RFX8: variants seen among roughly 807,000 people sequenced by gnomAD.
RFX8 encodes the protein regulatory factor X8.
A neutral mutation model predicts 54.6 loss-of-function variants in RFX8; 46 were observed. That is an observed-to-expected ratio of 0.84 (90% CI 0.67 to 1.08). The LOEUF (loss-of-function observed/expected upper bound fraction) is 1.08. Ranked by LOEUF, RFX8 falls within the 50% of genes least tolerant of loss-of-function variation. The pLI is 0.00. For missense variants in RFX8, 536 were observed against 562.3 expected (o/e 0.95, Z 0.47); for synonymous variants, 192 against 209.5 (o/e 0.92, Z 0.72).
At chr2:101,417,126 T>C (rs907607345) in intron 6 of RFX8, among the ~76,000 whole-genome samples, 1 of 152,202 alleles carries the variant, frequency 6.6e-6, no homozygotes, top group Non-Finnish European at 1.5e-5. Context: ...TGTAGCTGAG[T>C]GCATGGGGCA....
intron 2 of RFX8, chr2:101,435,219 C>T (rs927044914): frequency 2.6e-5 from 4 of 152,344 alleles, no homozygotes; most frequent in Non-Finnish European, 5.9e-5. Flanking sequence ...CGTGGAAGAA[C>T]AAAGGCACGG....
chr2:101,453,284 A>T (rs1292339097), intron 2 of RFX8, among the ~76,000 whole-genome samples: 11 of 71,382 alleles, frequency 1.5e-4, no homozygotes, highest in Non-Finnish European at 3.2e-4. Context: ...CTCAAAAAAA[A>T]ATAAATAAAT....
chr2:101,421,220 A>G (rs909661224), intron 4 of RFX8: 1 of 982,510 alleles, frequency 1.0e-6, no homozygotes, highest in Non-Finnish European at 1.2e-6. Flanking sequence ...TTGGATTTTC[A>G]TCTCACACTG....
At chr2:101,428,324 G>A (rs192194655) in intron 2 of RFX8, among the ~76,000 whole-genome samples, 3 of 152,288 alleles carry the variant, frequency 2.0e-5, no homozygotes, top group African/African-American at 4.8e-5. Flanking sequence ...ATTAGGTCAC[G>A]AAAGTGGAGC....
intron 8 of RFX8, 103 bp downstream of exon 8, chr2:101,412,812 A>G (rs77875445): frequency 0.018 from 20,327 of 1,120,260 alleles, 268 homozygotes; most frequent in Middle Eastern, 0.052. Context: ...TCGGAGTTAT[A>G]AAGTTCTACC....
At chr2:101,419,992 G>T (rs1396024630) in intron 4 of RFX8, among the ~76,000 whole-genome samples, 4 of 152,146 alleles carry the variant, frequency 2.6e-5, no homozygotes, top group Non-Finnish European at 5.9e-5. Context: ...TGTTGCGCTT[G>T]CCTCTGAAAT....
At chr2:101,466,739 C>A in intron 2 of RFX8, 38 bp downstream of exon 2, 1 of 1,413,372 alleles carries the variant, frequency 7.1e-7, no homozygotes. Flanking sequence ...CTTTTTTGCA[C>A]TCAGTGAATA....
intron 11 of RFX8, among the ~76,000 whole-genome samples, chr2:101,398,331 T>C (rs989657654): frequency 5.3e-5 from 8 of 152,238 alleles, no homozygotes; most frequent in African/African-American, 1.9e-4. Flanking sequence ...ACCAACACTC[T>C]TCCTTAACAG....
chr2:101,418,883 G>A lies in RFX8; in HGVS notation c.319C>T (p.Leu107Phe), dbSNP rs1298312348. The A allele has an allele frequency of 1.3e-6, 2 of 1,551,292 alleles. No individual in the cohort carries two copies. The highest frequency in any genetic ancestry group is 2.4e-5 in the East Asian group (1 of 40,912). The stretch of plus-strand genomic sequence containing the variant: ...AGCTGGACGTCGTAGCATTTAAAGA[G>A]CTGGCACACGTCAGGCAATGACATC... ...MLMSLPDVCQ[L>F]FKCYDVQLYK... is the part of the protein sequence containing the mutation. Residue 107 changes from leucine to phenylalanine, a missense_variant, in exon 5 of 12, where the codon CTC (leucine) becomes TTC (phenylalanine). By Grantham distance (22) the Leu-to-Phe change is conservative. Coordinates refer to ENST00000428343, the MANE Select transcript of RFX8 (RefSeq NM_001145664.2).
intron 4 of RFX8, 46 bp downstream of exon 4, chr2:101,421,678 T>C (rs1573393146): frequency 6.5e-7 from 1 of 1,527,842 alleles, no homozygotes. Context: ...TAAATGCTTG[T>C]ATTTTATAGA....
intron 1 of RFX8, among the ~76,000 whole-genome samples, chr2:101,468,230 C>T (rs560309636): frequency 6.6e-6 from 1 of 152,168 alleles, no homozygotes; most frequent in South Asian, 2.1e-4. Context: ...AATGTATTCT[C>T]ACAGTTCTGG....
At chr2:101,402,320 G>A (rs1685479302) in intron 11 of RFX8, 116 bp downstream of exon 11, 2 of 915,998 alleles carry the variant, frequency 2.2e-6, no homozygotes, top group Non-Finnish European at 3.2e-6. Context: ...GGGTAAAGAT[G>A]ACTGTAGAAT....
intron 2 of RFX8, among the ~76,000 whole-genome samples, chr2:101,426,373 T>C (rs1687169483): frequency 1.3e-5 from 2 of 151,896 alleles, no homozygotes; most frequent in East Asian, 1.9e-4. Flanking sequence ...AAAAAACATT[T>C]CTGGGCATGG....
intron 11 of RFX8, among the ~76,000 whole-genome samples, chr2:101,399,337 C>A (rs75389925): frequency 7.8e-4 from 119 of 152,228 alleles, no homozygotes; most frequent in African/African-American, 2.7e-3. Context: ...ATGAGCGTAA[C>A]TTTTTGGTGT....
intron 5 of RFX8, 83 bp from the exon 6 acceptor site, chr2:101,417,767 G>A (rs755921334): frequency 1.4e-5 from 17 of 1,232,490 alleles, no homozygotes; most frequent in Admixed American, 1.1e-4. Context: ...GGGACAGGGC[G>A]GGTCTCAAGA....
chr2:101,417,560 G>A lies in RFX8; in HGVS notation c.476C>T (p.Ala159Val). 6.4e-7 allele frequency: 1 copy of A among 1,550,882 alleles called. No individual in the cohort carries two copies. Among genetic ancestry groups the A allele is most frequent in the Non-Finnish European group, 8.7e-7 (1 of 1,146,596 alleles). ...TTTGAGTTTGGAGATCTGCAAGAGGGCTGGAACACCTTCCAAAGCATTAAG... is the reference window on the plus strand; with the variant it reads ...TTTGAGTTTGGAGATCTGCAAGAGGACTGGAACACCTTCCAAAGCATTAAG... ...WLLNALEGVP[A>V]LLQISKLKEV... Residue 159 changes from alanine (A) to valine (V), a missense_variant, in exon 6 of 12, where the codon GCC becomes GTC. Coordinates refer to ENST00000428343, the MANE Select transcript of RFX8 (RefSeq NM_001145664.2).
chr2:101,458,609 G>A (rs1259630688), intron 2 of RFX8, among the ~76,000 whole-genome samples: 1 of 152,158 alleles, frequency 6.6e-6, no homozygotes, highest in South Asian at 2.1e-4. Context: ...CCCTTTGTGG[G>A]TAACTCGACC....
At chr2:101,432,252 CA>C (rs1687526295) in intron 2 of RFX8, among the ~76,000 whole-genome samples, 1 of 152,110 alleles carries the variant, frequency 6.6e-6, no homozygotes, top group South Asian at 2.1e-4. Flanking sequence ...CAAAGAACCA[CA>C]AAAATATTCA....
intron 2 of RFX8, among the ~76,000 whole-genome samples, chr2:101,452,053 A>G (rs1423217873): frequency 1.3e-5 from 2 of 152,240 alleles, no homozygotes; most frequent in Non-Finnish European, 2.9e-5. Flanking sequence ...CGATTGCAGC[A>G]TTGCACTCCA....
Sources: gnomAD v4.1 joint callset for allele counts (sites outside exome capture counted in the v4.1 genomes callset) on GRCh38, gnomAD v4.1.1 for gene constraint, MANE v1.5 for transcripts, NCBI Gene and HGNC (gene_info 2026-07-23, HGNC 2026-07-21) for gene names.